Variants in CADM2 observed in about 807,000 individuals in gnomAD.
CADM2 encodes the protein immunoglobulin superfamily member 4D.
CADM2 carries 12 observed loss-of-function variants against 49.8 expected under a neutral mutation model. That is an observed-to-expected ratio of 0.24 (90% CI 0.15 to 0.39). The LOEUF is 0.39. Among genes scored for constraint, CADM2 ranks in the 10% least tolerant of loss-of-function variants. CADM2 has a pLI of 1.00. For missense variants in CADM2, 378 were observed against 492.3 expected (o/e 0.77, Z 2.20); for synonymous variants, 214 against 175.4 (o/e 1.22, Z -1.74).
At chr3:85,779,534 G>C (rs1429527365) in intron 2 of CADM2, among the ~76,000 whole-genome samples, 2 of 152,106 alleles carry the variant, frequency 1.3e-5, no homozygotes, top group Non-Finnish European at 2.9e-5. Context: ...ACAAGGAGAA[G>C]TGCAGAGTGA....
chr3:85,929,029 A>G (rs1178475210), intron 6 of CADM2, among the ~76,000 whole-genome samples: 2 of 152,184 alleles, frequency 1.3e-5, no homozygotes, highest in Non-Finnish European at 2.9e-5. Flanking sequence ...TGAGTTTCAC[A>G]TACAGGACAA....
intron 8 of CADM2, among the ~76,000 whole-genome samples, chr3:86,039,457 G>A (rs988884340): frequency 1.3e-5 from 2 of 152,166 alleles, no homozygotes; most frequent in African/African-American, 4.8e-5. Context: ...GGCTCAGAGG[G>A]TCCCACGCCC....
intron 1 of CADM2, among the ~76,000 whole-genome samples, chr3:85,011,056 G>A (rs2033969174): frequency 1.3e-5 from 2 of 151,394 alleles, no homozygotes; most frequent in Admixed American, 6.6e-5. Flanking sequence ...AGTAGAGACG[G>A]GGTTTCACCG....
At chr3:85,206,449 A>C (rs1341984008) in intron 1 of CADM2, among the ~76,000 whole-genome samples, 3 of 151,628 alleles carry the variant, frequency 2.0e-5, no homozygotes, top group Non-Finnish European at 4.4e-5. Flanking sequence ...CTGGGACTAC[A>C]GGCGCCCGTC....
chr3:85,007,313 A>C (rs954563554), intron 1 of CADM2, among the ~76,000 whole-genome samples: 5 of 152,148 alleles, frequency 3.3e-5, no homozygotes, highest in Admixed American at 1.3e-4. Flanking sequence ...AGGGAAAAAT[A>C]GTGAATATTT....
chr3:85,770,603 T>A (rs1210981875), intron 2 of CADM2, among the ~76,000 whole-genome samples: 2 of 152,128 alleles, frequency 1.3e-5, no homozygotes. Context: ...CCAAATGCAA[T>A]GATGTTATAT....
chr3:85,784,400 C>G (rs912948340), intron 2 of CADM2, among the ~76,000 whole-genome samples: 9 of 87,240 alleles, frequency 1.0e-4, no homozygotes, highest in Non-Finnish European at 1.9e-4. Flanking sequence ...AATGACAATG[C>G]AGTTGAAATT....
At chr3:86,052,499 A>G (rs990174843) in intron 8 of CADM2, among the ~76,000 whole-genome samples, 2 of 152,148 alleles carry the variant, frequency 1.3e-5, no homozygotes, top group African/African-American at 4.8e-5. Flanking sequence ...TGTTTGGCCT[A>G]TAAGGTTCTG....
chr3:85,446,838 G>T (rs1373255211), intron 1 of CADM2, among the ~76,000 whole-genome samples: 3 of 149,898 alleles, frequency 2.0e-5, no homozygotes, highest in Non-Finnish European at 4.4e-5. Flanking sequence ...CTGAACTCAG[G>T]TGATCCTCCC....
chr3:85,351,864 G>T, intron 1 of CADM2, among the ~76,000 whole-genome samples: 1 of 152,020 alleles, frequency 6.6e-6, no homozygotes, highest in African/African-American at 2.4e-5. Context: ...TCAACTTGTG[G>T]GTCATTGACT....
At chr3:85,310,166 G>C (rs916944012) in intron 1 of CADM2, among the ~76,000 whole-genome samples, 1 of 152,084 alleles carries the variant, frequency 6.6e-6, no homozygotes, top group African/African-American at 2.4e-5. Flanking sequence ...TTTCCAAAAC[G>C]AATACATTTA....
At chr3:85,067,919 A>C (rs543931393) in intron 1 of CADM2, among the ~76,000 whole-genome samples, 1 of 152,126 alleles carries the variant, frequency 6.6e-6, no homozygotes, top group African/African-American at 2.4e-5. Context: ...GGACTATTTA[A>C]CCATTTATAC....
chr3:85,506,855 A>T (rs558672927), intron 1 of CADM2, among the ~76,000 whole-genome samples: 53 of 152,202 alleles, frequency 3.5e-4, no homozygotes, highest in Non-Finnish European at 5.4e-4. Context: ...AAGTAAAATT[A>T]TCATTATAGA....
intron 1 of CADM2, among the ~76,000 whole-genome samples, chr3:85,106,407 A>G (rs1176005074): frequency 6.6e-6 from 1 of 152,138 alleles, no homozygotes; most frequent in Non-Finnish European, 1.5e-5. Flanking sequence ...CATTTGTAGC[A>G]TCCACCTGGT....
chr3:85,908,200 G>A (rs1299452075), intron 5 of CADM2, among the ~76,000 whole-genome samples: 2 of 143,118 alleles, frequency 1.4e-5, no homozygotes, highest in Non-Finnish European at 3.0e-5. Flanking sequence ...ATGATATTTT[G>A]TGAAAAAAAA....
intron 2 of CADM2, among the ~76,000 whole-genome samples, chr3:85,781,600 T>A (rs2107994829): frequency 6.6e-6 from 1 of 152,298 alleles, no homozygotes; most frequent in Non-Finnish European, 1.5e-5. Flanking sequence ...ATTATAAAAA[T>A]TAAATCAGGA....
intron 1 of CADM2, among the ~76,000 whole-genome samples, chr3:85,345,116 G>A (rs1445615503): frequency 6.6e-6 from 1 of 151,874 alleles, no homozygotes; most frequent in African/African-American, 2.4e-5. Context: ...AGGAGTTCGA[G>A]AGCAGCCTGG....
At chr3:85,443,940 C>T (rs1559843022) in intron 1 of CADM2, among the ~76,000 whole-genome samples, 1 of 143,406 alleles carries the variant, frequency 7.0e-6, no homozygotes, top group East Asian at 1.9e-4. Context: ...ATTTAATGAG[C>T]CCCCCAAATT....
intron 8 of CADM2, among the ~76,000 whole-genome samples, chr3:86,032,160 CTT>C (rs1392608186): frequency 6.6e-6 from 1 of 150,796 alleles, no homozygotes; most frequent in Non-Finnish European, 1.5e-5. Context: ...CATATAGACT[CTT>C]ATCACAGTAT....
Sources: allele counts gnomAD v4.1 joint callset (sites outside exome capture counted in the v4.1 genomes callset), GRCh38; gene constraint gnomAD v4.1.1; transcripts MANE v1.5; gene names NCBI Gene and HGNC (gene_info 2026-07-23, HGNC 2026-07-21).